CYP26C1: variants seen among roughly 807,000 people sequenced by gnomAD.
CYP26C1 encodes the protein cytochrome P450 26C1.
A neutral mutation model predicts 39.1 loss-of-function variants in CYP26C1; 41 were observed. The observed-to-expected ratio is 1.05, with a 90% CI of 0.82 to 1.36. The LOEUF (loss-of-function observed/expected upper bound fraction) is 1.36, where lower values mean the gene tolerates loss of function less well. CYP26C1 is among the 40% of genes most tolerant of loss of function. The pLI is 0.00. For missense variants in CYP26C1, 833 were observed against 752.0 expected, an observed-to-expected ratio of 1.11 and a Z score of -1.26; for synonymous variants, 362 against 350.8, an observed-to-expected ratio of 1.03 and a Z score of -0.36.
In CYP26C1 at chr10:93,060,908, G is replaced by T; in HGVS notation, c.-356G>T. On this transcript the variant is annotated 5_prime_UTR_variant, in exon 1 of 6. Coordinates refer to ENST00000651965, the MANE Select transcript of CYP26C1 (RefSeq NM_183374.3). ...CTCCTTCCCTTCTTCTATCCAAAGG[G>T]TGCTGAGCCCGGGAGGAGGTGGGAG... The T allele has an allele frequency of 3.0e-6, 1 of 337,004 alleles. No homozygotes were observed. Among genetic ancestry groups the T allele is most frequent in the Non-Finnish European group, 5.4e-6 (1 of 184,424 alleles). The allele number at this position is 337,004 out of a possible 1,614,324, so 20.9% of individuals were successfully genotyped here.
chr10:93,061,485 C>T lies in CYP26C1; in HGVS notation c.204+18C>T, dbSNP rs940360513. 3.2e-6 allele frequency: 5 copies of T among 1,548,744 alleles called. No individual in the cohort carries two copies. In the African/African-American group the frequency reaches 4.1e-5, roughly 13 times the overall value. ...TAGTTCAGGTGAGCAGTCCTTCGAC[C>T]CCGAGCGCTAATACGGTCCCTTCTT... On this transcript the variant is annotated intron_variant, in intron 1 of 5. Transcript: ENST00000651965.
At position 93,064,603 on chromosome 10, in the gene CYP26C1, G is replaced by A; in HGVS notation, c.861+67G>A. The stretch of plus-strand genomic sequence containing the variant: ...CCCAGCAGGTCCCTACACCAATGCT[G>A]CATCCCCAGAGCCACATCTTGTGTG... On this transcript the variant is annotated intron_variant, in intron 4 of 5. Coordinates refer to ENST00000651965, the MANE Select transcript of CYP26C1 (RefSeq NM_183374.3). The A allele has an allele frequency of 2.6e-6, 4 of 1,547,778 alleles. No homozygotes were observed. In the South Asian group the frequency reaches 5.0e-5, roughly 19 times the overall value.
intron 5 of CYP26C1, among the ~76,000 whole-genome samples, chr10:93,067,778 T>C (rs560809312): frequency 6.6e-6 from 1 of 152,332 alleles, no homozygotes; most frequent in African/African-American, 2.4e-5. Flanking sequence ...GTGCGCCTTC[T>C]TAAAGTGTGG....
intron 5 of CYP26C1, among the ~76,000 whole-genome samples, chr10:93,066,963 G>A (rs540937779): frequency 1.1e-4 from 17 of 152,362 alleles, no homozygotes; most frequent in African/African-American, 4.1e-4. Flanking sequence ...GTGGGTCCGG[G>A]CTGTGGGGGT....
At chr10:93,062,434 C>T (rs1245115935) in intron 2 of CYP26C1, among the ~76,000 whole-genome samples, 200 bp downstream of exon 2, 2 of 152,234 alleles carry the variant, frequency 1.3e-5, no homozygotes, top group Non-Finnish European at 2.9e-5. Context: ...ATTCTTTCAT[C>T]TCCCATCTTC....
At chr10:93,062,641 C>A in intron 2 of CYP26C1, 79 bp from the exon 3 acceptor site, 1 of 1,249,608 alleles carries the variant, frequency 8.0e-7, no homozygotes, top group Non-Finnish European at 1.0e-6. Flanking sequence ...AGGACCGGAA[C>A]TGGCCTTCTG....
At chr10:93,064,293 C>A in intron 3 of CYP26C1, 88 bp from the exon 4 acceptor site, 1 of 1,488,962 alleles carries the variant, frequency 6.7e-7, no homozygotes, top group Non-Finnish European at 9.0e-7. Flanking sequence ...GTTGGCAGAG[C>A]CAGTGCTGAG....
intron 1 of CYP26C1, 62 bp downstream of exon 1, chr10:93,061,529 CCCT>C (rs1846749113): frequency 2.6e-6 from 4 of 1,527,884 alleles, no homozygotes; most frequent in Non-Finnish European, 3.5e-6. Context: ...TCCCACTGGA[CCCT>C]CCTCAGTCTC....
chr10:93,066,708 G>C (rs7073161), intron 5 of CYP26C1, among the ~76,000 whole-genome samples: 36,636 of 152,096 alleles, frequency 0.24, 6,277 homozygotes, highest in African/African-American at 0.48. Flanking sequence ...CTCACAAGAT[G>C]AAGGAACCCC....
At position 93,066,106 on chromosome 10, in the gene CYP26C1, G is replaced by T. The variant is rs891000160; in HGVS notation, c.1012G>T (p.Ala338Ser). The T allele has an allele frequency of 9.8e-6, 13 of 1,321,004 alleles. No individual in the cohort carries two copies. Among genetic ancestry groups the T allele is most frequent in the Non-Finnish European group, 1.1e-5 (11 of 1,042,004 alleles). The allele number at this position is 1,321,004 out of a possible 1,614,324, so 81.8% of individuals were successfully genotyped here. Residue 338 changes from alanine (A) to serine (S), a missense_variant, in exon 5 of 6, where the codon GCG becomes TCG. Coordinates refer to ENST00000651965, the MANE Select transcript of CYP26C1 (RefSeq NM_183374.3). ...GGGGCTGGGGCGCGCGTGCGGCTGC[G>T]CGCCCGGGGCCGCTGGGGGCAGCGA... ...AQGLGRACGC[A>S]PGAAGGSEGP...
At position 93,063,714 on chromosome 10, in the gene CYP26C1, C is replaced by T. The variant is rs1040051102; in HGVS notation, c.706-667C>T. 10 of 982,504 alleles carry T rather than the reference C, an allele frequency of 1.0e-5. No homozygotes were observed. The African/African-American group carries it at 1.6e-4, about 15-fold the overall frequency. 60.9% of individuals were successfully genotyped at this position (982,504 alleles called of 1,614,324 possible). On this transcript the variant is annotated intron_variant, in intron 3 of 5. Coordinates refer to ENST00000651965, the MANE Select transcript of CYP26C1 (RefSeq NM_183374.3). Reference sequence around the variant, plus strand: ...TTTCTGATCTAATCCTCGCAGCCTGCAAAGTGTTATGATTCTCATTTTATT... The same window carrying T: ...TTTCTGATCTAATCCTCGCAGCCTGTAAAGTGTTATGATTCTCATTTTATT...
rs745484049 is a variant in CYP26C1 at position 93,066,201 on chromosome 10, C to T, written c.1107C>T (p.Val369=). ...CGGCGCTGGGCCGTCTGCGCTACGT[C>T]GACTGCGTGGTCAAGGAGGTGCTGC... ...SLAALGRLRY[V]DCVVKEVLRL... The change falls in exon 5 of 6, where the codon GTC becomes GTT. Residue 369 remains valine, a synonymous_variant. Transcript: ENST00000651965. The T allele has an allele frequency of 9.5e-6, 14 of 1,475,506 alleles. No individual in the cohort carries two copies. Among genetic ancestry groups the T allele is most frequent in the Non-Finnish European group, 3.6e-6 (4 of 1,115,820 alleles). The allele number at this position is 1,475,506 out of a possible 1,614,324, so 91.4% of individuals were successfully genotyped here.
chr10:93,067,357 A>T (rs1590138200), intron 5 of CYP26C1, among the ~76,000 whole-genome samples: 1 of 152,244 alleles, frequency 6.6e-6, no homozygotes, highest in South Asian at 2.1e-4. Flanking sequence ...AGCCTATTAC[A>T]GAGAGAGCAG....
chr10:93,064,776 G>A (rs1846802338), intron 4 of CYP26C1: 3 of 1,214,442 alleles, frequency 2.5e-6, no homozygotes, highest in Middle Eastern at 3.2e-4. Flanking sequence ...AGAATCCTAG[G>A]CCCATCTTTG....
intron 5 of CYP26C1, among the ~76,000 whole-genome samples, chr10:93,068,117 CT>C (rs368575855): frequency 4.6e-5 from 7 of 152,218 alleles, no homozygotes; most frequent in African/African-American, 1.7e-4. Flanking sequence ...CTCAGAGAGG[CT>C]GCGCATCTAG....
chr10:93,066,347 CTG>C (rs1846828763), intron 5 of CYP26C1, 62 bp downstream of exon 5: 3 of 1,236,480 alleles, frequency 2.4e-6, no homozygotes, highest in Admixed American at 4.2e-5. Context: ...CGCCTGCCGC[CTG>C]CCGCCTGCCG....
chr10:93,068,745 C>T lies in CYP26C1; in HGVS notation c.*48C>T, dbSNP rs779934980. The T allele has an allele frequency of 4.1e-6, 6 of 1,463,072 alleles. No homozygotes were observed. Among genetic ancestry groups the T allele is most frequent in the Non-Finnish European group, 4.5e-6 (5 of 1,108,942 alleles). 90.6% of individuals were successfully genotyped at this position (1,463,072 alleles called of 1,614,324 possible). On this transcript the variant is annotated 3_prime_UTR_variant, in exon 6 of 6. Coordinates refer to ENST00000651965, the MANE Select transcript of CYP26C1 (RefSeq NM_183374.3). ...GCTTGGCCGGTGGCTATGGCGCGCACGCAGCGCCACCCATCTGCCGCTCCC... is the reference window on the plus strand; with the variant it reads ...GCTTGGCCGGTGGCTATGGCGCGCATGCAGCGCCACCCATCTGCCGCTCCC...
Position 93,068,573 on chromosome 10 carries a change from G to A in CYP26C1, c.1445G>A (p.Trp482Ter). The A allele has an allele frequency of 6.3e-7, 1 of 1,594,916 alleles. No individual in the cohort carries two copies. The highest frequency in any genetic ancestry group is 8.5e-7 in the Non-Finnish European group (1 of 1,171,268). The change falls in exon 6 of 6, where the codon TGG becomes TAG. Residue 482 changes from tryptophan to a stop codon, truncating the protein, a stop_gained. Coordinates refer to ENST00000651965, the MANE Select transcript of CYP26C1 (RefSeq NM_183374.3). LOFTEE classifies it high-confidence loss of function. Reference protein sequence around the residue: ...LAVELVRTARWELATPAFPAM... With the variant: ...LAVELVRTAR ...GTGGAGCTAGTGCGCACCGCGCGCT[G>A]GGAACTGGCCACACCCGCCTTCCCC...
At position 93,062,191 on chromosome 10, in the gene CYP26C1, C is replaced by T; in HGVS notation, c.386C>T (p.Thr129Ile). 1.3e-6 allele frequency: 2 copies of T among 1,535,898 alleles called. No individual in the cohort carries two copies. Among genetic ancestry groups the T allele is most frequent in the Middle Eastern group, 1.9e-4 (1 of 5,336 alleles). The change falls in exon 2 of 6, where the codon ACA becomes ATA. Residue 129 changes from threonine (T) to isoleucine (I), a missense_variant. Thr to Ile is a moderately conservative substitution (Grantham distance 89). Coordinates refer to ENST00000651965, the MANE Select transcript of CYP26C1 (RefSeq NM_183374.3). ...GCGCACATCCTGCTGGGCTCGCACA[C>T]ACTGCTAGGTGCGGTCGGCGAGCCG... ...QSAHILLGSH[T>I]LLGAVGEPHR...
Sources: gnomAD v4.1 joint callset for allele counts (sites outside exome capture counted in the v4.1 genomes callset) on GRCh38, gnomAD v4.1.1 for gene constraint, MANE v1.5 for transcripts, NCBI Gene and HGNC (gene_info 2026-07-23, HGNC 2026-07-21) for gene names.